REEP2: variants seen among roughly 807,000 people sequenced by gnomAD.
REEP2 encodes receptor accessory protein 2.
Under a neutral mutation model 32.1 loss-of-function variants are expected in REEP2, and 9 were observed. The observed-to-expected ratio is 0.28, with a 90% CI of 0.17 to 0.49. The LOEUF is 0.49. Ranked by LOEUF, REEP2 falls within the 20% of genes least tolerant of loss-of-function variation. The pLI is 0.99. For missense variants in REEP2, 236 were observed against 338.0 expected (o/e 0.70, Z 2.37); for synonymous variants, 128 against 139.1 (o/e 0.92, Z 0.56).
At position 138,445,883 on chromosome 5, in the gene REEP2, G is replaced by A; in HGVS notation, c.*132G>A. On this transcript the variant is annotated 3_prime_UTR_variant, in exon 8 of 8. Transcript: ENST00000378339. ...TGGGCCCCGCAGATGGCCATTTCCGGTGCCTGCCCAGTGGCCACTCTTCTG... is the reference window on the plus strand; with the variant it reads ...TGGGCCCCGCAGATGGCCATTTCCGATGCCTGCCCAGTGGCCACTCTTCTG... 2.4e-6 allele frequency: 2 copies of A among 846,076 alleles called. No individual in the cohort carries two copies. Among genetic ancestry groups the A allele is most frequent in the Non-Finnish European group, 3.7e-6 (2 of 546,410 alleles). 52.4% of individuals were successfully genotyped at this position (846,076 alleles called of 1,614,324 possible). A position where few individuals can be genotyped will look rare whatever the true frequency, so the allele number is the denominator to read the frequency against.
Position 138,445,711 on chromosome 5 carries a change from G to A in REEP2, c.725G>A (p.Arg242Gln), listed in dbSNP as rs751669446. The A allele has an allele frequency of 1.2e-5, 19 of 1,613,984 alleles. No individual in the cohort carries two copies. The highest frequency in any genetic ancestry group is 1.4e-5 in the Non-Finnish European group (17 of 1,180,010). ...CTGGCTTCCAAGACACTGAAGACCCGGCCCAAGAAGAAGACCTCTGGCGGG... is the reference window on the plus strand; with the variant it reads ...CTGGCTTCCAAGACACTGAAGACCCAGCCCAAGAAGAAGACCTCTGGCGGG... ...EPLASKTLKT[R>Q]PKKKTSGGGD... The change falls in exon 8 of 8, where the codon CGG becomes CAG. Residue 242 changes from arginine (R) to glutamine (Q), a missense_variant. Arg to Gln is a conservative substitution (Grantham distance 43). Transcript: ENST00000378339.
chr5:138,440,990 C>T, intron 1 of REEP2, 26 bp from the exon 2 acceptor site: 5 of 1,610,474 alleles, frequency 3.1e-6, no homozygotes, highest in Admixed American at 1.7e-5. Flanking sequence ...GGCTGAGAGG[C>T]CCAGTAACCA....
chr5:138,439,133 C>A lies in REEP2; in HGVS notation c.-76C>A. 1.0e-6 allele frequency: 1 copy of A among 982,268 alleles called. No homozygotes were observed. Among genetic ancestry groups the A allele is most frequent in the Non-Finnish European group, 1.3e-6 (1 of 774,988 alleles). The allele number at this position is 982,268 out of a possible 1,614,324, so 60.8% of individuals were successfully genotyped here. On this transcript the variant is annotated 5_prime_UTR_variant, in exon 1 of 8. Transcript: ENST00000378339. ...GCTACTGCGGCTCCTGCTGCCGCCG[C>A]CGCCGCCGCTCGGCCTCAGGCAGCT...
chr5:138,441,494 G>A lies in REEP2; in HGVS notation c.182+33G>A, dbSNP rs1279264496. 1 of 1,581,240 alleles carries A rather than the reference G, an allele frequency of 6.3e-7. No homozygotes were observed. The highest frequency in any genetic ancestry group is 8.7e-7 in the Non-Finnish European group (1 of 1,150,254). ...CCAGCGTCCCCTCCTGTATCTCAGG[G>A]CCCAGGGCCTCTGCCTTTCTCTACC... On this transcript the variant is annotated intron_variant, in intron 3 of 7. Transcript: ENST00000378339. The surrounding 1 kb of genome is among the most constrained non-coding windows in gnomAD (Gnocchi z 4.4).
rs1763785196 is a variant in REEP2 at position 138,439,620 on chromosome 5, T to TG, written c.32+385dup. 63 of 474,762 alleles carry TG rather than the reference T, an allele frequency of 1.3e-4. 1 individual carries two copies. The highest frequency in any genetic ancestry group is 9.6e-4 in the South Asian group (62 of 64,668). 29.4% of individuals were successfully genotyped at this position (474,762 alleles called of 1,614,324 possible). On this transcript the variant is annotated intron_variant, in intron 1 of 7. Coordinates refer to ENST00000378339, the MANE Select transcript of REEP2 (RefSeq NM_001271803.2). ...TCCTCAGACCCGGGCCCTGTCCCTC[T>TG]GGGGGAGGTAACAGGGTGATGGAAG...
At chr5:138,444,106 CCTAGGGCAGAGGAAGGGGGGTTTTCT>C (rs1487794698) in intron 3 of REEP2, among the ~76,000 whole-genome samples, 1 of 151,808 alleles carries the variant, frequency 6.6e-6, no homozygotes, top group African/African-American at 2.4e-5. Flanking sequence ...TGGTGTTGAC[CCTAGGGCAGAGGAAGGGGGGTTTTCT>C]CTAGGAGTGA....
rs1445402345 is a variant in REEP2, at chr5:138,441,172, A to T, written c.105+84A>T. On this transcript the variant is annotated intron_variant, in intron 2 of 7. Transcript: ENST00000378339. This position sits in a 1 kb window ranked among gnomAD's most constrained non-coding sequence, Gnocchi z 4.4. ...CTGGGTCCTATTACAGATGGGGGTG[A>T]CTTTGCACCAACACTGTCAGCCACT... is the stretch of plus-strand genomic sequence containing the variant. 22 of 1,556,526 alleles carry T rather than the reference A, an allele frequency of 1.4e-5. No homozygotes were observed. The highest frequency in any genetic ancestry group is 5.4e-5 in the Admixed American group (3 of 56,072).
chr5:138,440,431 C>T (rs1448187576), intron 1 of REEP2, among the ~76,000 whole-genome samples: 4 of 152,220 alleles, frequency 2.6e-5, no homozygotes, highest in Non-Finnish European at 5.9e-5. Flanking sequence ...CTTGGATCAC[C>T]AGCGGGGCCC....
In REEP2 at chr5:138,445,800, G is replaced by A; in HGVS notation, c.*49G>A. On this transcript the variant is annotated 3_prime_UTR_variant, in exon 8 of 8. Coordinates refer to ENST00000378339, the MANE Select transcript of REEP2 (RefSeq NM_001271803.2). ...AGAGCAAGGATGAAGCCTCAGGAGG[G>A]GCCTCAGACCCAGCCCCTGCTCCAC... The A allele has an allele frequency of 6.4e-7, 1 of 1,566,708 alleles. No individual in the cohort carries two copies. Among genetic ancestry groups the A allele is most frequent in the Non-Finnish European group, 8.7e-7 (1 of 1,148,648 alleles).
At chr5:138,444,366 A>G in intron 3 of REEP2, 49 bp from the exon 4 acceptor site, 1 of 1,594,306 alleles carries the variant, frequency 6.3e-7, no homozygotes, top group South Asian at 1.1e-5. Context: ...GACACAGGGC[A>G]CCTCCCAACT....
chr5:138,439,374 A>C (rs1763779272), intron 1 of REEP2, 134 bp downstream of exon 1: 2 of 901,084 alleles, frequency 2.2e-6, no homozygotes, highest in Non-Finnish European at 3.3e-6. Flanking sequence ...GGGCCCCCAG[A>C]GACATGGAGA....
In REEP2 at chr5:138,441,017, C is replaced by T; in HGVS notation, c.34C>T (p.Leu12Phe). The T allele has an allele frequency of 6.2e-7, 1 of 1,612,932 alleles. No individual in the cohort carries two copies. Among genetic ancestry groups the T allele is most frequent in the Non-Finnish European group, 8.5e-7 (1 of 1,179,980 alleles). Residue 12 changes from leucine (L) to phenylalanine (F), a missense_variant and splice_region_variant, in exon 2 of 8, where the codon CTC becomes TTC. Leu to Phe is a conservative substitution (Grantham distance 22, BLOSUM62 0). Coordinates refer to ENST00000378339, the MANE Select transcript of REEP2 (RefSeq NM_001271803.2). This position sits in a 1 kb window ranked among gnomAD's most constrained non-coding sequence, Gnocchi z 4.4. ...VSWIISRLVV[L>F]IFGTLYPAYS... is the part of the protein sequence containing the mutation. ...CAGTAACCATGCCTGCCTCCCTAGG[C>T]TCATCTTTGGCACCCTGTACCCAGC...
At chr5:138,444,347 G>T in intron 3 of REEP2, 68 bp from the exon 4 acceptor site, 2 of 1,573,218 alleles carry the variant, frequency 1.3e-6, no homozygotes, top group East Asian at 2.3e-5. Context: ...CATGGGGCCG[G>T]TGCTGCTGGA....
At chr5:138,440,817 T>C (rs1763809909) in intron 1 of REEP2, 199 bp from the exon 2 acceptor site, 4 of 1,028,906 alleles carry the variant, frequency 3.9e-6, no homozygotes, top group Non-Finnish European at 5.5e-6. Flanking sequence ...AACTGAACAG[T>C]GGAGCGGGGA....
In REEP2 at chr5:138,444,526, C is replaced by A; in HGVS notation, c.294C>A (p.Asn98Lys). The change falls in exon 4 of 8, where the codon AAC becomes AAA. Residue 98 changes from asparagine (N) to lysine (K), a missense_variant. Transcript: ENST00000378339. The stretch of plus-strand genomic sequence containing the variant: ...AGTTCGTGCACCCAACGCTGTCCAA[C>A]AAGGAGAAGGTTTGCCCCCACTCTC... Reference protein sequence around the residue: ...YRKFVHPTLSNKEKEIDEYIT... With the variant: ...YRKFVHPTLSKKEKEIDEYIT... 2 of 1,614,044 alleles carry A rather than the reference C, an allele frequency of 1.2e-6. No individual in the cohort carries two copies. The highest frequency in any genetic ancestry group is 2.2e-5 in the South Asian group (2 of 91,088).
chr5:138,441,558 T>C lies in REEP2; in HGVS notation c.182+97T>C. On this transcript the variant is annotated intron_variant, in intron 3 of 7. Transcript: ENST00000378339. The surrounding 1 kb of genome is among the most constrained non-coding windows in gnomAD (Gnocchi z 4.4). ...AAAAGACTGGGCCTGGGGGTGAAGCTCCTCCCATTCCTGACAATTTCATGG... is the reference window on the plus strand; with the variant it reads ...AAAAGACTGGGCCTGGGGGTGAAGCCCCTCCCATTCCTGACAATTTCATGG... The C allele has an allele frequency of 9.9e-7, 1 of 1,013,402 alleles. No individual in the cohort carries two copies. 62.8% of individuals were successfully genotyped at this position (1,013,402 alleles called of 1,614,324 possible).
At position 138,441,020 on chromosome 5, in the gene REEP2, A is replaced by G. The variant is rs755783425; in HGVS notation, c.37A>G (p.Ile13Val). ...SWIISRLVVL[I>V]FGTLYPAYSS... is the part of the protein sequence containing the mutation. ...TAACCATGCCTGCCTCCCTAGGCTCATCTTTGGCACCCTGTACCCAGCCTA... is the reference window on the plus strand; with the variant it reads ...TAACCATGCCTGCCTCCCTAGGCTCGTCTTTGGCACCCTGTACCCAGCCTA... The change falls in exon 2 of 8, where the codon ATC (isoleucine) becomes GTC (valine). Residue 13 changes from isoleucine (I) to valine (V), a missense_variant. Transcript: ENST00000378339. The surrounding 1 kb of genome is among the most constrained non-coding windows in gnomAD (Gnocchi z 4.4). The G allele has an allele frequency of 4.3e-6, 7 of 1,612,942 alleles. No individual in the cohort carries two copies. The South Asian group carries it at 7.7e-5, about 18-fold the overall frequency.
In REEP2 at chr5:138,441,134, AG is replaced by A; in HGVS notation, c.105+47del. Reference sequence around the variant, plus strand: ...CCCCTACCCAACCCACATGGCACAGAGAGGGGAGGGCACTGGGTCCTATTAC... The same window carrying A: ...CCCCTACCCAACCCACATGGCACAGAAGGGGAGGGCACTGGGTCCTATTAC... On this transcript the variant is annotated intron_variant, in intron 2 of 7. Transcript: ENST00000378339. The surrounding 1 kb of genome is among the most constrained non-coding windows in gnomAD (Gnocchi z 4.4). The A allele has an allele frequency of 6.2e-7, 1 of 1,611,106 alleles. No homozygotes were observed. The highest frequency in any genetic ancestry group is 8.5e-7 in the Non-Finnish European group (1 of 1,178,570).
rs1738374127 is a variant in REEP2 at position 138,445,912 on chromosome 5, G to A, written c.*161G>A. The A allele has an allele frequency of 1.4e-6, 1 of 703,078 alleles. No homozygotes were observed. Among genetic ancestry groups the A allele is most frequent in the South Asian group, 1.9e-5 (1 of 51,346 alleles). The allele number at this position is 703,078 out of a possible 1,614,324, so 43.6% of individuals were successfully genotyped here. On this transcript the variant is annotated 3_prime_UTR_variant, in exon 8 of 8. Coordinates refer to ENST00000378339, the MANE Select transcript of REEP2 (RefSeq NM_001271803.2). Reference sequence around the variant, plus strand: ...CTGCCCAGTGGCCACTCTTCTGGAAGGGGCTTGGAAAAGAGGAAGGAGGCC... The same window carrying A: ...CTGCCCAGTGGCCACTCTTCTGGAAAGGGCTTGGAAAAGAGGAAGGAGGCC...
Sources: allele counts gnomAD v4.1 joint callset (sites outside exome capture counted in the v4.1 genomes callset), GRCh38; gene constraint gnomAD v4.1.1; non-coding constraint Gnocchi (gnomAD v3.1); transcripts MANE v1.5; gene names NCBI Gene and HGNC (gene_info 2026-07-23, HGNC 2026-07-21).